The following TFB1M variants were observed in gnomAD, a reference collection of about 807,000 sequenced individuals.
TFB1M encodes transcription factor B1, mitochondrial, also known as dimethyladenosine transferase 1, mitochondrial.
Under a neutral mutation model 31.1 loss-of-function variants are expected in TFB1M, and 27 were observed. The observed-to-expected ratio is 0.87, with a 90% CI of 0.64 to 1.20. The LOEUF is 1.20. Ranked by LOEUF, TFB1M falls within the 50% of genes most tolerant of loss-of-function variation. The pLI, the probability that TFB1M is intolerant of heterozygous loss-of-function variation, is 0.00. For synonymous variants in TFB1M, 166 were observed against 151.8 expected, an observed-to-expected ratio of 1.09 and a Z score of -0.69; for missense variants, 394 against 418.7, an observed-to-expected ratio of 0.94 and a Z score of 0.51.
the TFB1M span, chr6:155,243,987 A>T: frequency 4.3e-6 from 7 of 1,611,592 alleles, no homozygotes; most frequent in Non-Finnish European, 5.1e-6. Context: ...AGCGTTGAAG[A>T]CACTTTCTTC....
intron 3 of TFB1M, among the ~76,000 whole-genome samples, chr6:155,298,166 C>G (rs1467313843): frequency 6.6e-6 from 1 of 152,140 alleles, no homozygotes; most frequent in Non-Finnish European, 1.5e-5. Flanking sequence ...TTTTTTTCCA[C>G]TATTTGGAAC....
At chr6:155,237,789 G>A in the TFB1M span, among the ~76,000 whole-genome samples, 11 of 152,172 alleles carry the variant, frequency 7.2e-5, no homozygotes, top group South Asian at 4.1e-4. Context: ...TTCCCTGGGC[G>A]GAACACAGCA....
intron 5 of TFB1M, among the ~76,000 whole-genome samples, chr6:155,263,325 A>G (rs1784474510): frequency 6.6e-6 from 1 of 152,262 alleles, no homozygotes. Flanking sequence ...AGAAATCAGT[A>G]CAAAGGCATC....
intron 4 of TFB1M, among the ~76,000 whole-genome samples, chr6:155,293,407 T>C (rs1482460004): frequency 1.3e-5 from 2 of 152,224 alleles, no homozygotes; most frequent in African/African-American, 4.8e-5. Flanking sequence ...CTGCTTCTCA[T>C]ACTGCTTTAA....
At chr6:155,299,658 T>C (rs769245773) in intron 2 of TFB1M, 2 of 152,124 alleles carry the variant, frequency 1.3e-5, no homozygotes, top group African/African-American at 2.4e-5. Context: ...GCCCAGCACT[T>C]TATAGGGATG....
At chr6:155,240,654 A>C in the TFB1M span, 4 of 1,613,980 alleles carry the variant, frequency 2.5e-6, no homozygotes, top group Non-Finnish European at 3.4e-6. Flanking sequence ...TCTGATGCAG[A>C]CCGCCTCCGC....
the TFB1M span, chr6:155,245,755 G>GTTT: frequency 0.13 from 130,005 of 1,007,104 alleles, 2,525 homozygotes; most frequent in Non-Finnish European, 0.14. Flanking sequence ...GCCTTTTATA[G>GTTT]TTTTTTTTTT....
downstream of TFB1M, chr6:155,253,881 C>A: frequency 1.1e-6 from 1 of 928,844 alleles, no homozygotes; most frequent in Non-Finnish European, 1.6e-6. Context: ...ATTAGACTTT[C>A]TTAACTGATG....
intron 2 of TFB1M, among the ~76,000 whole-genome samples, chr6:155,310,127 A>G (rs929310401): frequency 1.3e-5 from 2 of 152,224 alleles, no homozygotes; most frequent in Admixed American, 1.3e-4. Context: ...ACATTTTTCC[A>G]TTAATATATA....
intron 4 of TFB1M, among the ~76,000 whole-genome samples, chr6:155,285,735 C>A (rs1317593296): frequency 6.6e-6 from 1 of 152,148 alleles, no homozygotes; most frequent in African/African-American, 2.4e-5. Flanking sequence ...TATAGTAAAA[C>A]CTTGAGTATT....
chr6:155,239,394 G>C, the TFB1M span, among the ~76,000 whole-genome samples: 60 of 152,334 alleles, frequency 3.9e-4, no homozygotes, highest in African/African-American at 1.4e-3. Flanking sequence ...GTGAAAGAAA[G>C]AAGCCACCCT....
In TFB1M at chr6:155,314,452, C is replaced by T. The variant is rs140204163; in HGVS notation, c.-24G>A. 5.0e-6 allele frequency: 8 copies of T among 1,613,816 alleles called. No homozygotes were observed. Among genetic ancestry groups the T allele is most frequent in the Non-Finnish European group, 4.2e-6 (5 of 1,179,954 alleles). On this transcript the variant is annotated 5_prime_UTR_variant, in exon 1 of 7. Coordinates refer to ENST00000367166, the MANE Select transcript of TFB1M (RefSeq NM_016020.4). ...ATGATACGCGGCAAGCACCATCCAA[C>T]CCTACCTCACCCAGGACCTTCACCG...
At chr6:155,244,199 G>A in the TFB1M span, 1 of 985,174 alleles carries the variant, frequency 1.0e-6, no homozygotes, top group Non-Finnish European at 1.6e-6. Context: ...AGACTTAACG[G>A]TCTTCTGAGA....
In TFB1M at chr6:155,256,494, G is replaced by A. The variant is rs373263173; in HGVS notation, c.*1342C>T. 6.2e-7 allele frequency: 1 copy of A among 1,614,038 alleles called. No individual in the cohort carries two copies. The highest frequency in any genetic ancestry group is 8.5e-7 in the Non-Finnish European group (1 of 1,180,052). On this transcript the variant is annotated 3_prime_UTR_variant, in exon 7 of 7. Transcript: ENST00000367166. The stretch of plus-strand genomic sequence containing the variant: ...TTTTTCTCACTGTAGCTTCATCCAG[G>A]TCTTTAAAAGTCCTGAAGAATTCCT...
At chr6:155,314,242 C>G in intron 1 of TFB1M, 54 bp downstream of exon 1, 1 of 1,603,982 alleles carries the variant, frequency 6.2e-7, no homozygotes, top group Non-Finnish European at 8.5e-7. Context: ...CCCCCCGGCC[C>G]ACGCCCCCAC....
At chr6:155,248,580 A>G in the TFB1M span, among the ~76,000 whole-genome samples, 53,982 of 152,128 alleles carry the variant, frequency 0.35, 10,414 homozygotes, top group Middle Eastern at 0.51. Flanking sequence ...GCTGCTGGTC[A>G]GATTTGTTGG....
chr6:155,297,742 T>C (rs990527020), intron 3 of TFB1M, among the ~76,000 whole-genome samples: 6 of 152,106 alleles, frequency 3.9e-5, no homozygotes, highest in Admixed American at 3.3e-4. Flanking sequence ...TTAAATGAAT[T>C]TGGGAGAACT....
At chr6:155,308,575 T>C (rs1235973591) in intron 2 of TFB1M, among the ~76,000 whole-genome samples, 1 of 152,200 alleles carries the variant, frequency 6.6e-6, no homozygotes, top group Non-Finnish European at 1.5e-5. Context: ...CCAGGCAGTC[T>C]GATGCTGAAG....
the TFB1M span, among the ~76,000 whole-genome samples, chr6:155,242,901 A>T: frequency 5.3e-5 from 7 of 131,832 alleles, no homozygotes; most frequent in African/African-American, 1.1e-4. Flanking sequence ...ACACCCAGCT[A>T]TTTTTTTTTT....
Sources: allele counts gnomAD v4.1 joint callset (sites outside exome capture counted in the v4.1 genomes callset), GRCh38; gene constraint gnomAD v4.1.1; transcripts MANE v1.5; gene names NCBI Gene and HGNC (gene_info 2026-07-23, HGNC 2026-07-21).